ANO3: variants seen among roughly 807,000 people sequenced by gnomAD.
ANO3 encodes anoctamin 3, also known as anoctamin-3.
In ANO3, 99 loss-of-function variants were observed where a neutral mutation model predicts 144.8. That is an observed-to-expected ratio of 0.68 (90% CI 0.58 to 0.81). The LOEUF (loss-of-function observed/expected upper bound fraction) is 0.81. ANO3 is among the 30% of genes least tolerant of loss of function. ANO3 has a pLI of 0.00. For missense variants in ANO3, 905 were observed against 1,202.2 expected, an observed-to-expected ratio of 0.75 and a Z score of 3.66; for synonymous variants, 414 against 392.6, an observed-to-expected ratio of 1.05 and a Z score of -0.64.
intron 1 of ANO3, among the ~76,000 whole-genome samples, chr11:26,294,818 G>A (rs1467043313): frequency 3.3e-5 from 5 of 152,054 alleles, no homozygotes; most frequent in African/African-American, 4.8e-5. Flanking sequence ...ACATATCTGC[G>A]GCAATGAATG....
intron 1 of ANO3, among the ~76,000 whole-genome samples, chr11:26,317,517 T>C (rs1854654690): frequency 6.6e-6 from 1 of 152,074 alleles, no homozygotes; most frequent in Non-Finnish European, 1.5e-5. Context: ...AAGCTCATCA[T>C]CACTGGTCAT....
intron 1 of ANO3, among the ~76,000 whole-genome samples, chr11:26,218,112 C>A (rs1440447310): frequency 1.3e-5 from 2 of 152,050 alleles, no homozygotes; most frequent in African/African-American, 2.4e-5. Flanking sequence ...AGTGAGGTAG[C>A]ATTCTTTTAG....
intron 1 of ANO3, among the ~76,000 whole-genome samples, chr11:26,334,011 CCCA>C (rs1855130260): frequency 6.6e-6 from 1 of 152,090 alleles, no homozygotes; most frequent in African/African-American, 2.4e-5. Context: ...TCAAATGGCC[CCCA>C]CAACAATGTA....
chr11:26,401,970 A>G (rs1169811126), intron 1 of ANO3, among the ~76,000 whole-genome samples: 2 of 152,074 alleles, frequency 1.3e-5, no homozygotes, highest in Non-Finnish European at 2.9e-5. Flanking sequence ...AGTGAGGAAC[A>G]TGATCTCATT....
At chr11:26,408,617 A>C (rs1245265102) in intron 1 of ANO3, among the ~76,000 whole-genome samples, 2 of 149,166 alleles carry the variant, frequency 1.3e-5, no homozygotes, top group Non-Finnish European at 3.0e-5. Flanking sequence ...CAGCCATCCC[A>C]TTACTGGGTA....
chr11:26,647,509 A>G (rs1853385342), intron 23 of ANO3, among the ~76,000 whole-genome samples, 200 bp from the exon 24 acceptor site: 1 of 152,206 alleles, frequency 6.6e-6, no homozygotes, highest in Non-Finnish European at 1.5e-5. Flanking sequence ...GAATCTTTCT[A>G]GACGAGATAT....
intron 1 of ANO3, among the ~76,000 whole-genome samples, chr11:26,397,433 G>T (rs1857044125): frequency 6.6e-6 from 1 of 151,952 alleles, no homozygotes; most frequent in Non-Finnish European, 1.5e-5. Flanking sequence ...CAAAACACTG[G>T]AATAACAGAA....
chr11:26,605,561 T>C (rs992733960), intron 17 of ANO3, among the ~76,000 whole-genome samples: 35 of 152,160 alleles, frequency 2.3e-4, no homozygotes, highest in African/African-American at 8.2e-4. Context: ...GGTCCTGGGC[T>C]TTTTTTGGTT....
At chr11:26,404,325 C>G (rs1481989777) in intron 1 of ANO3, among the ~76,000 whole-genome samples, 2 of 151,906 alleles carry the variant, frequency 1.3e-5, no homozygotes, top group East Asian at 3.9e-4. Flanking sequence ...CCATATTGAT[C>G]TAAGAATTCT....
intron 1 of ANO3, among the ~76,000 whole-genome samples, chr11:26,297,210 T>A (rs1403556303): frequency 6.6e-6 from 1 of 151,896 alleles, no homozygotes; most frequent in Non-Finnish European, 1.5e-5. Context: ...TGTGTGTGTG[T>A]GAATTTCTTT....
intron 5 of ANO3, among the ~76,000 whole-genome samples, chr11:26,513,556 G>T (rs1861749749): frequency 6.6e-6 from 1 of 152,114 alleles, no homozygotes; most frequent in Non-Finnish European, 1.5e-5. Flanking sequence ...GCGTTCATCA[G>T]ATATTAGTCA....
At chr11:26,564,732 C>CATATATATAT (rs66510170) in intron 14 of ANO3, among the ~76,000 whole-genome samples, 4 of 25,416 alleles carry the variant, frequency 1.6e-4, no homozygotes, top group Non-Finnish European at 2.2e-4. Flanking sequence ...CACACACACA[C>CATATATATAT]ATATATATAT....
At position 26,372,254 on chromosome 11, in the gene ANO3, A is replaced by T. The variant is rs143225759; in HGVS notation, c.46+39933A>T. Among the ~76,000 whole-genome samples, 486 of 152,296 alleles carry T rather than the reference A, an allele frequency of 3.2e-3. 3 individuals carry two copies. Among genetic ancestry groups the T allele is most frequent in the Non-Finnish European group, 6.0e-3 (411 of 68,028 alleles). ...TCTCATTATTCTCCTTCCTGCTGCT[A>T]TGTGAAGAAGGACAGGTTTGCTTCC... On this transcript the variant is annotated intron_variant, in intron 1 of 26. Transcript: ENST00000256737.
At chr11:26,543,896 G>A (rs1849709355) in intron 11 of ANO3, among the ~76,000 whole-genome samples, 1 of 151,912 alleles carries the variant, frequency 6.6e-6, no homozygotes, top group Non-Finnish European at 1.5e-5. Flanking sequence ...CTTTGCTATT[G>A]TGAATAGTGT....
At chr11:26,309,241 T>C (rs1403612852), upstream of ANO3, among the ~76,000 whole-genome samples, 1 of 152,182 alleles carries the variant, frequency 6.6e-6, no homozygotes, top group Non-Finnish European at 1.5e-5. Flanking sequence ...TGCTCAATAA[T>C]TCCGGTGATT....
At chr11:26,607,056 A>G (rs959061794) in intron 17 of ANO3, among the ~76,000 whole-genome samples, 4 of 151,764 alleles carry the variant, frequency 2.6e-5, no homozygotes, top group African/African-American at 9.7e-5. Context: ...ATGAAATTCC[A>G]TATGATATTA....
At chr11:26,550,095 T>G (rs1308684592) in intron 12 of ANO3, among the ~76,000 whole-genome samples, 1 of 151,792 alleles carries the variant, frequency 6.6e-6, no homozygotes. Context: ...TCAGGCAATA[T>G]ATCTAGTAAG....
intron 1 of ANO3, among the ~76,000 whole-genome samples, chr11:26,412,487 T>A (rs549803822): frequency 1.3e-5 from 2 of 152,134 alleles, no homozygotes; most frequent in African/African-American, 4.8e-5. Flanking sequence ...ATCGTAACTG[T>A]AGTAATGTAA....
chr11:26,546,376 A>G (rs1192932350), intron 11 of ANO3, among the ~76,000 whole-genome samples: 1 of 152,024 alleles, frequency 6.6e-6, no homozygotes, highest in Non-Finnish European at 1.5e-5. Flanking sequence ...AATTGGCACA[A>G]CACAGAGAAT....
Sources: gnomAD v4.1 joint callset for allele counts (sites outside exome capture counted in the v4.1 genomes callset) on GRCh38, gnomAD v4.1.1 for gene constraint, MANE v1.5 for transcripts, NCBI Gene and HGNC (gene_info 2026-07-23, HGNC 2026-07-21) for gene names.